The following SCARF2 variants were observed in gnomAD, a reference collection of about 807,000 sequenced individuals.
SCARF2 encodes the protein scavenger receptor class F member 2.
A neutral mutation model predicts 73.4 loss-of-function variants in SCARF2; 39 were observed. The ratio of observed to expected loss-of-function variants is 0.53; its 90% CI spans 0.41 to 0.69. The LOEUF (loss-of-function observed/expected upper bound fraction) is 0.69, where lower values mean the gene tolerates loss of function less well. SCARF2 is among the 30% of genes least tolerant of loss of function. The probability of loss-of-function intolerance (pLI) is 0.00; values close to 1 mark genes in which losing one functional copy is unlikely to be tolerated. For synonymous variants in SCARF2, 605 were observed against 590.0 expected, an observed-to-expected ratio of 1.03 and a Z score of -0.37; for missense variants, 1,148 against 1,303.5, an observed-to-expected ratio of 0.88 and a Z score of 1.84.
chr22:20,433,800 C>G (rs929246432), intron 1 of SCARF2, among the ~76,000 whole-genome samples: 2 of 152,244 alleles, frequency 1.3e-5, no homozygotes, highest in Admixed American at 1.3e-4. Flanking sequence ...ACCAAGGTGC[C>G]CATCTGCAGG....
rs2146127226 is a variant in SCARF2, at chr22:20,429,604, C to G, written c.1356G>C (p.Leu452=). 6.2e-7 allele frequency: 1 copy of G among 1,613,590 alleles called. No homozygotes were observed. Among genetic ancestry groups the G allele is most frequent in the South Asian group, 1.1e-5 (1 of 91,088 alleles). Residue 452 remains leucine, a synonymous_variant, in exon 8 of 11, where the codon CTG becomes CTC. Coordinates refer to ENST00000622235, the MANE Select transcript of SCARF2 (RefSeq NM_182895.5). This position sits in a 1 kb window ranked among gnomAD's most constrained non-coding sequence, Gnocchi z 5.2. ...GVMGAGALLV[L]LVCLLLSLLG... is the part of the protein sequence containing the mutation. ...GCAGCGAGAGCAGCAGGCAGACGAG[C>G]AGGACGAGCAGCGCGCCCGCGCCCA...
chr22:20,429,584 G>T lies in SCARF2; in HGVS notation c.1376C>A (p.Ser459Ter), dbSNP rs1234659301. Residue 459 changes from serine to a stop codon, truncating the protein, a stop_gained, in exon 8 of 11, where the codon TCG (serine) becomes TAG (stop). Transcript: ENST00000622235. LOFTEE classifies it high-confidence loss of function. This position sits in a 1 kb window ranked among gnomAD's most constrained non-coding sequence, Gnocchi z 5.2. The part of the protein sequence containing the change: ...LLVLLVCLLL[S>*]LLGCCCACRG... ...GCAAGCGCAGCAGCAGCCGAGCAGC[G>T]AGAGCAGCAGGCAGACGAGCAGGAC... The T allele has an allele frequency of 6.2e-7, 1 of 1,613,302 alleles. No homozygotes were observed. The highest frequency in any genetic ancestry group is 8.5e-7 in the Non-Finnish European group (1 of 1,179,896).
At position 20,437,651 on chromosome 22, in the gene SCARF2, C is replaced by T; in HGVS notation, c.104G>A (p.Trp35Ter). ...AGGCGCCACGGTGTCCGGCAGCATC[C>T]AGAGCAGCAGCAGCAGCAGCAGCGA... Reference protein sequence around the residue: ...LPSLLLLLLLWMLPDTVAPQE... With the variant: ...LPSLLLLLLL The change falls in exon 1 of 11, where the codon TGG (tryptophan) becomes TAG (stop). Residue 35 changes from tryptophan to a stop codon, truncating the protein, a stop_gained. Transcript: ENST00000622235. LOFTEE classifies it high-confidence loss of function. The T allele has an allele frequency of 1.3e-6, 2 of 1,543,532 alleles. No individual in the cohort carries two copies.
intron 1 of SCARF2, among the ~76,000 whole-genome samples, chr22:20,432,375 C>T (rs2052659276): frequency 6.6e-6 from 1 of 152,174 alleles, no homozygotes; most frequent in Non-Finnish European, 1.5e-5. Flanking sequence ...AAGTGGAGGG[C>T]CCAGCCTAAT....
chr22:20,425,553 G>T lies in SCARF2; in HGVS notation c.2423C>A (p.Pro808Gln), dbSNP rs759259115. The T allele has an allele frequency of 9.7e-6, 13 of 1,340,584 alleles. No homozygotes were observed. The highest frequency in any genetic ancestry group is 3.9e-5 in the Admixed American group (1 of 25,694). The allele number at this position is 1,340,584 out of a possible 1,614,324, so 83.0% of individuals were successfully genotyped here. A position where few individuals can be genotyped will look rare whatever the true frequency, so the allele number is the denominator to read the frequency against. ...APPQKAKRSV[P>Q]PASPARAPPA... ...GGGCGCGCGGGCGGGCGAGGCTGGC[G>T]GCACGGAGCGCTTGGCTTTCTGTGG... Residue 808 changes from proline to glutamine, a missense_variant, in exon 11 of 11, where the codon CCG (proline) becomes CAG (glutamine). Coordinates refer to ENST00000622235, the MANE Select transcript of SCARF2 (RefSeq NM_182895.5). The surrounding 1 kb of genome is among the most constrained non-coding windows in gnomAD (Gnocchi z 4.6).
intron 3 of SCARF2, 103 bp downstream of exon 3, chr22:20,431,642 G>A: frequency 7.8e-6 from 12 of 1,539,694 alleles, no homozygotes; most frequent in Non-Finnish European, 1.1e-5. Flanking sequence ...CACCTCTGGG[G>A]ACCCGCCCCG....
At chr22:20,428,710 C>T (rs1484274757) in intron 9 of SCARF2, among the ~76,000 whole-genome samples, 1 of 152,134 alleles carries the variant, frequency 6.6e-6, no homozygotes, top group African/African-American at 2.4e-5. Flanking sequence ...AGGGTCCACC[C>T]AGGTGCAAGT....
chr22:20,430,059 GA>G (rs1467154061), intron 6 of SCARF2: 2 of 620,876 alleles, frequency 3.2e-6, no homozygotes, highest in Admixed American at 2.9e-5. Flanking sequence ...GGGCCTGGGG[GA>G]TAGGACCCGT....
chr22:20,434,583 C>T (rs115253544), intron 1 of SCARF2, among the ~76,000 whole-genome samples: 1,565 of 152,298 alleles, frequency 0.01, 34 homozygotes, highest in African/African-American at 0.036. Flanking sequence ...GTGGTGGTGG[C>T]AAGCCCACTC....
rs1282446759 is a variant in SCARF2, at chr22:20,425,921, C to T, written c.2055G>A (p.Pro685=). 1 of 1,597,250 alleles carries T rather than the reference C, an allele frequency of 6.3e-7. No individual in the cohort carries two copies. The highest frequency in any genetic ancestry group is 1.7e-5 in the Admixed American group (1 of 59,154). The change falls in exon 11 of 11, where the codon CCG becomes CCA. Residue 685 remains proline, a synonymous_variant. Coordinates refer to ENST00000622235, the MANE Select transcript of SCARF2 (RefSeq NM_182895.5). The surrounding 1 kb of genome is among the most constrained non-coding windows in gnomAD (Gnocchi z 4.6). ...GGCTGGGCGCGGCCTCGGAGCCTGG[C>T]GGCGGTGGTGAGGGCGCACGGCCAG... ...AAAGRAPSPP[P]PGSEAAPSPS...
intron 9 of SCARF2, 121 bp from the exon 10 acceptor site, chr22:20,427,671 G>C: frequency 1.7e-6 from 2 of 1,144,892 alleles, no homozygotes; most frequent in Non-Finnish European, 2.5e-6. Flanking sequence ...TTGGACTGCA[G>C]GGGGCACAGG....
chr22:20,433,516 C>A (rs1296136665), intron 1 of SCARF2, among the ~76,000 whole-genome samples: 1 of 152,126 alleles, frequency 6.6e-6, no homozygotes, highest in African/African-American at 2.4e-5. Context: ...CCCAGGCTTC[C>A]GAGGATGCCC....
At chr22:20,430,406 C>A in intron 6 of SCARF2, 23 bp downstream of exon 6, 1 of 1,581,222 alleles carries the variant, frequency 6.3e-7, no homozygotes, top group East Asian at 2.3e-5. Flanking sequence ...CCCCCAACCC[C>A]CTCCCGGTCC....
chr22:20,425,610 C>G lies in SCARF2; in HGVS notation c.2366G>C (p.Gly789Ala), dbSNP rs1370875395. 1 of 1,326,512 alleles carries G rather than the reference C, an allele frequency of 7.5e-7. No homozygotes were observed. The highest frequency in any genetic ancestry group is 9.6e-7 in the Non-Finnish European group (1 of 1,040,950). The allele number at this position is 1,326,512 out of a possible 1,614,324, so 82.2% of individuals were successfully genotyped here. The change falls in exon 11 of 11, where the codon GGC becomes GCC. Residue 789 changes from glycine (G) to alanine (A), a missense_variant. Around this residue, in one of 5 missense-constraint regions of SCARF2, gnomAD observed 169 missense variants for 136.9 expected, o/e 1.23. Transcript: ENST00000622235. The surrounding 1 kb of genome is among the most constrained non-coding windows in gnomAD (Gnocchi z 4.6). ...RSLGRAEVAL[G>A]AQGPREKPAP... ...CGGCTTTTCCCTGGGGCCCTGCGCG[C>G]CCAGGGCCACCTCGGCGCGGCCCAG...
At chr22:20,426,393 G>A (rs1211303402) in intron 10 of SCARF2, 111 bp from the exon 11 acceptor site, 1 of 1,223,172 alleles carries the variant, frequency 8.2e-7, no homozygotes, top group East Asian at 2.7e-5. Context: ...TTGGCACTGT[G>A]TCACCCTGGC....
intron 1 of SCARF2, among the ~76,000 whole-genome samples, chr22:20,434,780 G>A (rs1223451517): frequency 6.6e-6 from 1 of 152,200 alleles, no homozygotes; most frequent in African/African-American, 2.4e-5. Context: ...AACCCACTGT[G>A]AGTTCTTACA....
intron 1 of SCARF2, among the ~76,000 whole-genome samples, 171 bp downstream of exon 1, chr22:20,437,411 G>C (rs915666082): frequency 2.0e-5 from 3 of 152,204 alleles, no homozygotes; most frequent in Admixed American, 2.0e-4. Context: ...ATGCACTGTC[G>C]TGGCCCATGG....
At chr22:20,437,447 G>T in intron 1 of SCARF2, 135 bp downstream of exon 1, 1 of 950,640 alleles carries the variant, frequency 1.1e-6, no homozygotes, top group Non-Finnish European at 1.5e-6. Context: ...GAACGGAGCC[G>T]CGCTGGCTAG....
chr22:20,428,341 G>T (rs1021886956), intron 9 of SCARF2, among the ~76,000 whole-genome samples: 1 of 151,430 alleles, frequency 6.6e-6, no homozygotes, highest in African/African-American at 2.4e-5. Context: ...AGGCTGGAGT[G>T]CAATGGTGCG....
Sources: allele counts gnomAD v4.1 joint callset (sites outside exome capture counted in the v4.1 genomes callset), GRCh38; gene constraint gnomAD v4.1.1; regional missense constraint gnomAD v4.1.1; non-coding constraint Gnocchi (gnomAD v3.1); transcripts MANE v1.5; gene names NCBI Gene and HGNC (gene_info 2026-07-23, HGNC 2026-07-21).